Variants in ATR observed in about 807,000 individuals in gnomAD.
ATR encodes the protein ATR checkpoint kinase, also known as serine/threonine-protein kinase ATR.
In ATR, 142 loss-of-function variants were observed where a neutral mutation model predicts 305.3. The ratio of observed to expected loss-of-function variants is 0.47; its 90% confidence interval spans 0.41 to 0.53. The LOEUF is 0.53. Ranked by LOEUF, ATR falls within the 20% of genes least tolerant of loss-of-function variation. ATR has a pLI of 0.00. For synonymous variants in ATR, 1,050 were observed against 1,068.1 expected (o/e 0.98, Z 0.33); for missense variants, 2,135 against 3,133.1 (o/e 0.68, Z 7.60).
At chr3:142,571,159 GAGGAATGCACTTAAATA>G (rs1167310804) in intron 1 of ATR, among the ~76,000 whole-genome samples, 1 of 152,136 alleles carries the variant, frequency 6.6e-6, no homozygotes, top group Non-Finnish European at 1.5e-5. Flanking sequence ...GGGGAGAGGA[GAGGAATGCACTTAAATA>G]ATCAAAAGCG....
At chr3:142,506,559 C>T (rs1021802830) in intron 28 of ATR, among the ~76,000 whole-genome samples, 6 of 151,896 alleles carry the variant, frequency 4.0e-5, no homozygotes, top group African/African-American at 1.5e-4. Context: ...GTGGTAGCAG[C>T]GCCTGTGGTC....
chr3:142,530,213 C>G (rs753976294), intron 21 of ATR, among the ~76,000 whole-genome samples: 12 of 151,968 alleles, frequency 7.9e-5, no homozygotes, highest in Non-Finnish European at 1.5e-4. Flanking sequence ...CCCTGTAGTT[C>G]TTGTAATTTA....
At position 142,568,594 on chromosome 3, in the gene ATR, G is replaced by A. The variant is rs76654888; in HGVS notation, c.60-440C>T. 8.3e-3 allele frequency among the ~76,000 whole-genome samples: 1,264 copies of A among 152,292 alleles called. 20 individuals carry two copies. The highest frequency in any genetic ancestry group is 0.028 in the African/African-American group (1,156 of 41,560). On this transcript the variant is annotated intron_variant, in intron 1 of 46. Transcript: ENST00000350721. ...ACAGGTGGAAGCCCCGCCCCCTTCC[G>A]AGTTGCAGGGTCGGGAGCCCAGCCA...
At chr3:142,541,892 G>A (rs2108439880) in intron 17 of ATR, among the ~76,000 whole-genome samples, 1 of 152,112 alleles carries the variant, frequency 6.6e-6, no homozygotes. Context: ...AAAAAGGAGG[G>A]GAGAGTATAC....
chr3:142,566,040 A>G, intron 3 of ATR, 81 bp downstream of exon 3: 1 of 1,577,150 alleles, frequency 6.3e-7, no homozygotes, highest in African/African-American at 1.3e-5. Context: ...ATAATCCTGT[A>G]CATGTAATAT....
At chr3:142,528,793 G>A (rs1577639191) in intron 21 of ATR, among the ~76,000 whole-genome samples, 3 of 135,120 alleles carry the variant, frequency 2.2e-5, no homozygotes, top group South Asian at 2.2e-4. Context: ...ATCCTGTTTC[G>A]TGTTTAAAAA....
chr3:142,524,044 A>G lies in ATR; in HGVS notation c.4101T>C (p.Gly1367=), dbSNP rs761867462. 5 of 1,614,110 alleles carry G rather than the reference A, an allele frequency of 3.1e-6. No homozygotes were observed. Among genetic ancestry groups the G allele is most frequent in the Non-Finnish European group, 1.7e-6 (2 of 1,179,990 alleles). ...CLGELGAIDP[G]RLDFSTTETQ... ...TTTCAGTTGTTGAGAAATCTAATCG[A>G]CCTGGATCTATCGCCCCCAATTCCC... is the stretch of plus-strand genomic sequence containing the variant. The change falls in exon 22 of 47, where the codon GGT becomes GGC. Residue 1367 remains glycine (G), a synonymous_variant. Coordinates refer to ENST00000350721, the MANE Select transcript of ATR (RefSeq NM_001184.4).
chr3:142,577,421 T>A (rs546691816), intron 1 of ATR, among the ~76,000 whole-genome samples: 2 of 152,234 alleles, frequency 1.3e-5, no homozygotes, highest in African/African-American at 2.4e-5. Context: ...CTTCCTACAA[T>A]GATCACTTTT....
At chr3:142,481,826 ATTTAT>A (rs2030511428) in intron 36 of ATR, among the ~76,000 whole-genome samples, 1 of 150,508 alleles carries the variant, frequency 6.6e-6, no homozygotes, top group African/African-American at 2.5e-5. Flanking sequence ...TGATTTATTT[ATTTAT>A]TTTTTTTTTG....
At chr3:142,564,716 G>A (rs2035005471) in intron 3 of ATR, among the ~76,000 whole-genome samples, 1 of 151,896 alleles carries the variant, frequency 6.6e-6, no homozygotes, top group Non-Finnish European at 1.5e-5. Context: ...TCATTAAATA[G>A]TACTTACTCT....
At chr3:142,505,421 T>C (rs540622555) in intron 28 of ATR, 118 bp from the exon 29 acceptor site, 1 of 1,219,968 alleles carries the variant, frequency 8.2e-7, no homozygotes, top group South Asian at 1.3e-5. Context: ...TTCCTCAAAG[T>C]AATAGTAAGC....
intron 21 of ATR, among the ~76,000 whole-genome samples, chr3:142,526,706 T>C (rs1404648558): frequency 6.6e-6 from 1 of 152,086 alleles, no homozygotes; most frequent in Non-Finnish European, 1.5e-5. Flanking sequence ...ATATAGTGAA[T>C]TACATTCGTG....
chr3:142,483,798 A>G (rs1045358974), intron 36 of ATR, among the ~76,000 whole-genome samples: 2 of 150,722 alleles, frequency 1.3e-5, no homozygotes, highest in African/African-American at 5.0e-5. Context: ...GTGCCATTGC[A>G]CTCCAGCCTG....
At chr3:142,488,830 T>C (rs956680973) in intron 35 of ATR, among the ~76,000 whole-genome samples, 4 of 152,230 alleles carry the variant, frequency 2.6e-5, no homozygotes, top group Non-Finnish European at 5.9e-5. Context: ...ATTTGATGAG[T>C]AATGCATTAA....
At position 142,487,027 on chromosome 3, in the gene ATR, G is replaced by A. The variant is rs372206382; in HGVS notation, c.6079-1745C>T. On this transcript the variant is annotated intron_variant, in intron 35 of 46. Coordinates refer to ENST00000350721, the MANE Select transcript of ATR (RefSeq NM_001184.4). ...GGCGCCTGTAGTCCCAGCTACTCGGGAGGCGGAGGCAGGAGACTGGCCTGA... is the reference window on the plus strand; with the variant it reads ...GGCGCCTGTAGTCCCAGCTACTCGGAAGGCGGAGGCAGGAGACTGGCCTGA... Among the ~76,000 whole-genome samples, 178 of 151,768 alleles carry A rather than the reference G, an allele frequency of 1.2e-3. 1 individual carries two copies. The highest frequency in any genetic ancestry group is 4.1e-3 in the African/African-American group (168 of 41,398).
chr3:142,474,175 C>A (rs2071375594), intron 36 of ATR, among the ~76,000 whole-genome samples: 1 of 151,752 alleles, frequency 6.6e-6, no homozygotes, highest in Non-Finnish European at 1.5e-5. Context: ...GATCCACCTG[C>A]CTCAGTTTCC....
chr3:142,556,111 C>A lies in ATR; in HGVS notation c.2107G>T (p.Val703Phe), dbSNP rs2108471760. The A allele has an allele frequency of 6.2e-7, 1 of 1,612,694 alleles. No individual in the cohort carries two copies. The highest frequency in any genetic ancestry group is 8.5e-7 in the Non-Finnish European group (1 of 1,179,586). Residue 703 changes from valine to phenylalanine, a missense_variant, in exon 10 of 47, where the codon GTC becomes TTC. Physicochemically the swap from Val to Phe is conservative, Grantham distance 50 (BLOSUM62 -1). Transcript: ENST00000350721. Reference sequence around the variant, plus strand: ...AGTATAGAAGCAAATTCTTTCTTGACAATGTCAGAATCATCTTTGACTTTA... The same window carrying A: ...AGTATAGAAGCAAATTCTTTCTTGAAAATGTCAGAATCATCTTTGACTTTA... ...IDKVKDDSDI[V>F]KKEFASILGQ...
chr3:142,559,166 C>T, intron 7 of ATR, 85 bp downstream of exon 7: 1 of 1,444,646 alleles, frequency 6.9e-7, no homozygotes. Context: ...CAAACACGCA[C>T]TTAGGCTTCA....
In ATR at chr3:142,578,671, T is replaced by C. The variant is rs1476227295; in HGVS notation, c.34A>G (p.Ile12Val). The stretch of plus-strand genomic sequence containing the variant: ...CTGCCCAGCTCCCGCAGGGCGGGGA[T>C]CATGGAAGCCAGCTCCAGGCCATGT... ...GEHGLELASM[I>V]PALRELGSAT... The change falls in exon 1 of 47, where the codon ATC becomes GTC. Residue 12 changes from isoleucine to valine, a missense_variant. This residue lies in a region of ATR where 744 missense variants were observed against 873.2 expected (regional missense o/e 0.85). Transcript: ENST00000350721. 4 of 1,613,352 alleles carry C rather than the reference T, an allele frequency of 2.5e-6. No individual in the cohort carries two copies. The highest frequency in any genetic ancestry group is 2.5e-6 in the Non-Finnish European group (3 of 1,179,800).
Sources: gnomAD v4.1 joint callset for allele counts (sites outside exome capture counted in the v4.1 genomes callset) on GRCh38, gnomAD v4.1.1 for gene constraint, gnomAD v4.1.1 regional missense constraint, MANE v1.5 for transcripts, NCBI Gene and HGNC (gene_info 2026-07-23, HGNC 2026-07-21) for gene names.